VPS13B: variants seen among roughly 807,000 people sequenced by gnomAD.
VPS13B encodes the protein intermembrane lipid transfer protein VPS13B.
A neutral mutation model predicts 426.4 loss-of-function variants in VPS13B; 285 were observed. The observed-to-expected ratio is 0.67, with a 90% CI of 0.61 to 0.74. The LOEUF is 0.74. Ranked by LOEUF, VPS13B falls within the 30% of genes least tolerant of loss-of-function variation. The pLI is 0.00. For missense variants in VPS13B, 4,537 were observed against 4,782.6 expected, an observed-to-expected ratio of 0.95 and a Z score of 1.51; for synonymous variants, 1,676 against 1,676.4, an observed-to-expected ratio of 1.00 and a Z score of 0.01.
intron 21 of VPS13B, 37 bp downstream of exon 21, chr8:99,391,741 C>T: frequency 6.2e-7 from 1 of 1,607,912 alleles, no homozygotes; most frequent in Non-Finnish European, 8.5e-7. Flanking sequence ...TATGATTGTA[C>T]TCTACTTCTA....
chr8:99,617,804 T>C (rs374659146), intron 33 of VPS13B, among the ~76,000 whole-genome samples: 10 of 152,234 alleles, frequency 6.6e-5, no homozygotes, highest in East Asian at 5.8e-4. Context: ...GGCTTTGTTG[T>C]TTTAAGATGG....
chr8:99,469,471 A>C (rs1291449408), intron 24 of VPS13B, among the ~76,000 whole-genome samples: 1 of 152,012 alleles, frequency 6.6e-6, no homozygotes, highest in Non-Finnish European at 1.5e-5. Flanking sequence ...GCACCATGCC[A>C]TAAGGTCATT....
At chr8:99,751,671 A>G (rs552025648) in intron 39 of VPS13B, among the ~76,000 whole-genome samples, 9 of 152,326 alleles carry the variant, frequency 5.9e-5, no homozygotes, top group Non-Finnish European at 8.8e-5. Flanking sequence ...ATACATTTCT[A>G]TATGTATGTA....
chr8:99,313,875 C>T (rs985418025), intron 19 of VPS13B, among the ~76,000 whole-genome samples: 1 of 152,010 alleles, frequency 6.6e-6, no homozygotes, highest in Non-Finnish European at 1.5e-5. Context: ...TGGTGGGTGC[C>T]CCTCCCCCAC....
intron 3 of VPS13B, among the ~76,000 whole-genome samples, chr8:99,042,815 C>G (rs1482538971): frequency 6.6e-6 from 1 of 152,124 alleles, no homozygotes; most frequent in Non-Finnish European, 1.5e-5. Flanking sequence ...TTGGTCCTGA[C>G]AGCCCATAGA....
chr8:99,211,774 T>G (rs192526933), intron 17 of VPS13B, among the ~76,000 whole-genome samples: 2 of 152,166 alleles, frequency 1.3e-5, no homozygotes, highest in Admixed American at 6.5e-5. Flanking sequence ...AGAAAAAAAT[T>G]ACTTATGCTT....
At chr8:99,795,872 G>C (rs1372497984) in intron 43 of VPS13B, among the ~76,000 whole-genome samples, 2 of 152,176 alleles carry the variant, frequency 1.3e-5, no homozygotes, top group African/African-American at 4.8e-5. Context: ...TATCTTTTAT[G>C]TCCTAGCCTC....
rs376062743 is a variant in VPS13B, at chr8:99,809,443, C to T, written c.8010C>T (p.Ala2670=). Residue 2670 remains alanine, a synonymous_variant, in exon 44 of 62, where the codon GCC becomes GCT. Transcript: ENST00000357162. ...RWSEPFSVDH[A]GTFIRTIQYR... The stretch of plus-strand genomic sequence containing the variant: ...CAGAGCCTTTCAGTGTGGACCATGC[C>T]GGGACTTTTATTAGAACAATTCAGT... The T allele has an allele frequency of 6.1e-4, 977 of 1,613,924 alleles. 16 individuals carry two copies. In the South Asian group the frequency reaches 9.5e-3, roughly 16 times the overall value.
chr8:99,418,652 G>A (rs1816206195), intron 21 of VPS13B, among the ~76,000 whole-genome samples: 2 of 151,864 alleles, frequency 1.3e-5, no homozygotes, highest in South Asian at 2.1e-4. Flanking sequence ...AGGTTCAAGT[G>A]GTTCTCCTGC....
chr8:99,430,452 A>T (rs1817030059), intron 21 of VPS13B, among the ~76,000 whole-genome samples: 1 of 152,206 alleles, frequency 6.6e-6, no homozygotes, highest in African/African-American at 2.4e-5. Context: ...AATTAACATA[A>T]GCTGTATTAT....
chr8:99,816,092 TTC>T (rs570168760), intron 44 of VPS13B, among the ~76,000 whole-genome samples: 8 of 151,426 alleles, frequency 5.3e-5, no homozygotes, highest in African/African-American at 1.5e-4. Context: ...CCCATTTGTT[TTC>T]TCTCTCTCTC....
chr8:99,164,378 C>T (rs1233316751), intron 15 of VPS13B, among the ~76,000 whole-genome samples: 1 of 152,074 alleles, frequency 6.6e-6, no homozygotes, highest in Non-Finnish European at 1.5e-5. Context: ...CTGTAAACGC[C>T]GGGCAGCATC....
chr8:99,502,157 T>C (rs965034950), intron 26 of VPS13B, among the ~76,000 whole-genome samples: 9 of 152,050 alleles, frequency 5.9e-5, no homozygotes, highest in African/African-American at 2.2e-4. Context: ...GCTAATTTTG[T>C]ATTTTTAGTA....
Position 99,340,295 on chromosome 8 carries a change from C to T in VPS13B, c.2825-43913C>T, listed in dbSNP as rs140546269. On this transcript the variant is annotated intron_variant, in intron 19 of 61. Coordinates refer to ENST00000357162, the MANE Select transcript of VPS13B (RefSeq NM_152564.5). ...GATGGAGGAGTTGTTGTTACAGACC[C>T]ATCAACACTTTAATAAATTGCCGGG... The T allele has an allele frequency of 1.1e-4, 32 of 287,658 alleles. No individual in the cohort carries two copies. In the East Asian group the frequency reaches 2.7e-3, roughly 24 times the overall value. 17.8% of individuals were successfully genotyped at this position (287,658 alleles called of 1,614,324 possible).
intron 2 of VPS13B, among the ~76,000 whole-genome samples, chr8:99,016,159 A>G (rs552258203): frequency 6.6e-6 from 1 of 152,332 alleles, no homozygotes; most frequent in East Asian, 1.9e-4. Context: ...TGGGTTTTTA[A>G]TATTTTTGGC....
At chr8:99,306,918 G>A (rs1051786526) in intron 19 of VPS13B, among the ~76,000 whole-genome samples, 4 of 152,228 alleles carry the variant, frequency 2.6e-5, no homozygotes, top group Non-Finnish European at 5.9e-5. Flanking sequence ...TTAAAGAAAA[G>A]TGAGGCAGAG....
chr8:99,608,684 C>G (rs1418948080), intron 33 of VPS13B, among the ~76,000 whole-genome samples: 5 of 152,158 alleles, frequency 3.3e-5, no homozygotes, highest in African/African-American at 1.2e-4. Flanking sequence ...TAGGCAACCA[C>G]TAACATACCT....
At chr8:99,650,278 A>G (rs11996543) in intron 34 of VPS13B, among the ~76,000 whole-genome samples, 6,918 of 152,116 alleles carry the variant, frequency 0.045, 168 homozygotes, top group East Asian at 0.06. Flanking sequence ...TTCCCGTGTC[A>G]CCAATAAGCA....
At chr8:99,394,583 G>C (rs1045938656) in intron 21 of VPS13B, among the ~76,000 whole-genome samples, 4 of 152,072 alleles carry the variant, frequency 2.6e-5, no homozygotes, top group African/African-American at 9.7e-5. Context: ...CAGAGAATCT[G>C]TATATCCTTC....
Sources: gnomAD v4.1 joint callset for allele counts (sites outside exome capture counted in the v4.1 genomes callset) on GRCh38, gnomAD v4.1.1 for gene constraint, MANE v1.5 for transcripts, NCBI Gene and HGNC (gene_info 2026-07-23, HGNC 2026-07-21) for gene names.